SLC35F4: variants seen among roughly 807,000 people sequenced by gnomAD.
SLC35F4 encodes solute carrier family 35 member F4.
SLC35F4 carries 24 observed loss-of-function variants against 44.2 expected under a neutral mutation model. That is an observed-to-expected ratio of 0.54 (90% CI 0.39 to 0.76). The LOEUF is 0.76. Ranked by LOEUF, SLC35F4 falls within the 30% of genes least tolerant of loss-of-function variation. SLC35F4 has a pLI of 0.00. For missense variants in SLC35F4, 562 were observed against 586.1 expected, an observed-to-expected ratio of 0.96 and a Z score of 0.42; for synonymous variants, 238 against 223.6, an observed-to-expected ratio of 1.06 and a Z score of -0.57.
intron 1 of SLC35F4, among the ~76,000 whole-genome samples, chr14:57,695,280 C>G (rs9707520): frequency 0.63 from 94,707 of 151,308 alleles, 29,906 homozygotes; most frequent in African/African-American, 0.7. Context: ...ATCTGACAAA[C>G]GGCTAATATC....
chr14:57,966,677 GA>G (rs1207140943), intron 1 of SLC35F4, among the ~76,000 whole-genome samples: 1 of 152,216 alleles, frequency 6.6e-6, no homozygotes, highest in Non-Finnish European at 1.5e-5. Flanking sequence ...AGAAGTCTCA[GA>G]ACAAATCTAA....
chr14:57,955,462 A>AATAAAGGT (rs1194677088), intron 1 of SLC35F4, among the ~76,000 whole-genome samples: 1 of 152,222 alleles, frequency 6.6e-6, no homozygotes, highest in African/African-American at 2.4e-5. Context: ...AAGAGAAAGA[A>AATAAAGGT]ATAAAGGTAT....
At chr14:57,810,733 G>C (rs1008786006) in intron 1 of SLC35F4, among the ~76,000 whole-genome samples, 1 of 152,210 alleles carries the variant, frequency 6.6e-6, no homozygotes, top group Admixed American at 6.5e-5. Flanking sequence ...AAAAGGCCAG[G>C]CCTTAGCTTG....
chr14:57,674,807 CAG>C (rs1010734184), intron 1 of SLC35F4, among the ~76,000 whole-genome samples: 8 of 152,110 alleles, frequency 5.3e-5, no homozygotes, highest in African/African-American at 1.9e-4. Flanking sequence ...CCAGTTCCTA[CAG>C]AGTGACATGA....
chr14:57,889,229 A>C (rs189762292), intron 1 of SLC35F4, among the ~76,000 whole-genome samples: 10 of 152,360 alleles, frequency 6.6e-5, no homozygotes, highest in Non-Finnish European at 1.0e-4. Flanking sequence ...GTAACCAGGA[A>C]GGATCACTAA....
chr14:57,589,110 T>A, intron 3 of SLC35F4, 106 bp downstream of exon 3: 6 of 1,265,098 alleles, frequency 4.7e-6, no homozygotes, highest in Non-Finnish European at 6.6e-6. Flanking sequence ...TCTTGTTTCT[T>A]CACATACCCC....
rs568995939 is a variant in SLC35F4, at chr14:57,689,775, A to T, written c.104-95651T>A. 4.7e-3 allele frequency among the ~76,000 whole-genome samples: 720 copies of T among 151,846 alleles called. 1 individual carries two copies. Among genetic ancestry groups the T allele is most frequent in the Middle Eastern group, 0.024 (7 of 294 alleles). ...GGGGGGAGGGATAGCATTAGGAGAT[A>T]TATCTAATGTAAATGACGAGTTAAT... is the stretch of plus-strand genomic sequence containing the variant. On this transcript the variant is annotated intron_variant, in intron 1 of 7. Transcript: ENST00000556826.
At chr14:57,591,717 G>A (rs2070193105) in intron 2 of SLC35F4, among the ~76,000 whole-genome samples, 1 of 152,104 alleles carries the variant, frequency 6.6e-6, no homozygotes, top group African/African-American at 2.4e-5. Context: ...AGACTAGTTT[G>A]GGAAAAAAGT....
intron 1 of SLC35F4, among the ~76,000 whole-genome samples, chr14:57,809,831 T>A (rs1464703060): frequency 3.9e-5 from 6 of 152,198 alleles, no homozygotes; most frequent in African/African-American, 1.4e-4. Flanking sequence ...TACCAAGTCA[T>A]CTTCCAGCAA....
chr14:57,914,708 C>T (rs1889283027), intron 1 of SLC35F4, among the ~76,000 whole-genome samples: 1 of 152,216 alleles, frequency 6.6e-6, no homozygotes, highest in South Asian at 2.1e-4. Flanking sequence ...AGTCTTAAAG[C>T]TAGAGAATAA....
chr14:57,705,770 A>T (rs929202056), intron 1 of SLC35F4, among the ~76,000 whole-genome samples: 3 of 152,170 alleles, frequency 2.0e-5, no homozygotes, highest in African/African-American at 7.2e-5. Flanking sequence ...TATATAGTCC[A>T]TAACACTTTT....
intron 1 of SLC35F4, among the ~76,000 whole-genome samples, chr14:57,612,977 C>T (rs552746278): frequency 1.3e-5 from 2 of 152,284 alleles, no homozygotes; most frequent in East Asian, 1.9e-4. Context: ...ATCTTTGAGA[C>T]GTGAGCATGG....
chr14:57,885,319 A>G (rs1888623243), intron 1 of SLC35F4, among the ~76,000 whole-genome samples: 1 of 152,136 alleles, frequency 6.6e-6, no homozygotes, highest in Non-Finnish European at 1.5e-5. Flanking sequence ...TCACTCATGG[A>G]GCTGTTGCAA....
intron 1 of SLC35F4, among the ~76,000 whole-genome samples, chr14:57,656,785 C>T (rs571092728): frequency 5.3e-5 from 8 of 152,198 alleles, no homozygotes; most frequent in African/African-American, 1.9e-4. Context: ...ATCCTTTCTG[C>T]TTAGCATCCC....
chr14:57,677,510 G>C (rs1012682326), intron 1 of SLC35F4, among the ~76,000 whole-genome samples: 4 of 152,002 alleles, frequency 2.6e-5, no homozygotes, highest in African/African-American at 9.7e-5. Context: ...TGTGTATATA[G>C]GTATTCTATT....
chr14:57,760,176 G>C, intron 1 of SLC35F4, among the ~76,000 whole-genome samples: 1 of 151,900 alleles, frequency 6.6e-6, no homozygotes. Context: ...CTTGCATTTA[G>C]GTCTTTTTTT....
chr14:57,581,124 A>AACTCCACGAAACAAAG, intron 4 of SLC35F4, 90 bp downstream of exon 4: 1 of 1,318,190 alleles, frequency 7.6e-7, no homozygotes. Flanking sequence ...GTTTTACAGC[A>AACTCCACGAAACAAAG]ACTCCACGAA....
intron 1 of SLC35F4, among the ~76,000 whole-genome samples, chr14:57,921,064 T>G (rs971012894): frequency 6.6e-6 from 1 of 152,260 alleles, no homozygotes; most frequent in Non-Finnish European, 1.5e-5. Flanking sequence ...GAGCAAACTT[T>G]GTACTCTTTT....
At chr14:57,756,576 A>G (rs968947486) in intron 1 of SLC35F4, among the ~76,000 whole-genome samples, 2 of 151,818 alleles carry the variant, frequency 1.3e-5, no homozygotes, top group Admixed American at 6.6e-5. Context: ...TAAATATTAT[A>G]TAAATATTGA....
Sources: gnomAD v4.1 joint callset for allele counts (sites outside exome capture counted in the v4.1 genomes callset) on GRCh38, gnomAD v4.1.1 for gene constraint, MANE v1.5 for transcripts, NCBI Gene and HGNC (gene_info 2026-07-23, HGNC 2026-07-21) for gene names.